GSR: variants seen among roughly 807,000 people sequenced by gnomAD.
GSR encodes glutathione-disulfide reductase.
Under a neutral mutation model 56.5 loss-of-function variants are expected in GSR, and 48 were observed. The observed-to-expected ratio is 0.85, with a 90% CI of 0.67 to 1.08. The LOEUF (loss-of-function observed/expected upper bound fraction) is 1.08. Ranked by LOEUF, GSR falls within the 50% of genes least tolerant of loss-of-function variation. GSR has a pLI of 0.00. For synonymous variants in GSR, 264 were observed against 270.8 expected, an observed-to-expected ratio of 0.97 and a Z score of 0.25; for missense variants, 694 against 703.3, an observed-to-expected ratio of 0.99 and a Z score of 0.15.
chr8:30,702,488 T>C (rs1317964829), intron 5 of GSR, among the ~76,000 whole-genome samples: 1 of 152,180 alleles, frequency 6.6e-6, no homozygotes, highest in East Asian at 1.9e-4. Flanking sequence ...AAGATTTCTC[T>C]CTCTTGAACA....
At chr8:30,686,360 A>G (rs1803160826) in intron 9 of GSR, among the ~76,000 whole-genome samples, 1 of 152,038 alleles carries the variant, frequency 6.6e-6, no homozygotes, top group South Asian at 2.1e-4. Context: ...AATGAGACTG[A>G]ACCTTTTTTT....
intron 7 of GSR, among the ~76,000 whole-genome samples, chr8:30,694,743 G>A (rs1803490884): frequency 6.6e-6 from 1 of 151,964 alleles, no homozygotes; most frequent in Non-Finnish European, 1.5e-5. Context: ...GGGCAACATG[G>A]TGAAACCTCA....
At chr8:30,712,832 T>G (rs2911676) in intron 1 of GSR, among the ~76,000 whole-genome samples, 103,449 of 152,126 alleles carry the variant, frequency 0.68, 37,910 homozygotes, top group East Asian at 0.83. Flanking sequence ...AAATATTAGA[T>G]CTCATAAAAT....
intron 1 of GSR, 95 bp downstream of exon 1, chr8:30,727,435 G>A (rs1286216775): frequency 1.7e-6 from 2 of 1,198,090 alleles, no homozygotes; most frequent in Non-Finnish European, 2.3e-6. Context: ...GCCCAGCGCC[G>A]GGGGACAGGA....
intron 6 of GSR, among the ~76,000 whole-genome samples, chr8:30,699,551 C>T (rs933976363): frequency 1.3e-5 from 2 of 152,064 alleles, no homozygotes; most frequent in Non-Finnish European, 2.9e-5. Context: ...TCAAGTGATT[C>T]TCCTGCCTCA....
At position 30,680,977 on chromosome 8, in the gene GSR, G is replaced by A. The variant is rs1213868590; in HGVS notation, c.1346C>T (p.Pro449Leu). Residue 449 changes from proline (P) to leucine (L), a missense_variant, in exon 12 of 13, where the codon CCG becomes CTG. Coordinates refer to ENST00000221130, the MANE Select transcript of GSR (RefSeq NM_000637.5). ...CCTTTTGGTAACTGCGTGATACATC[G>A]GGGTAAAGCTCGTTGAATAGGTCTT... ...NVKTYSTSFTPMYHAVTKRKT... is the reference protein window; with the variant it reads ...NVKTYSTSFTLMYHAVTKRKT... 45 of 1,609,820 alleles carry A rather than the reference G, an allele frequency of 2.8e-5. No individual in the cohort carries two copies. The highest frequency in any genetic ancestry group is 1.6e-4 in the Middle Eastern group (1 of 6,078).
chr8:30,716,198 C>G (rs1359414365), intron 1 of GSR, among the ~76,000 whole-genome samples: 1 of 152,184 alleles, frequency 6.6e-6, no homozygotes, highest in East Asian at 1.9e-4. Flanking sequence ...AGGCTCTGAG[C>G]CTGTCCAAGA....
rs536887251 is a variant in GSR at position 30,696,827 on chromosome 8, C to A, written c.696-348G>T. 6.6e-5 allele frequency among the ~76,000 whole-genome samples: 10 copies of A among 152,214 alleles called. No homozygotes were observed. In the South Asian group the frequency reaches 2.1e-3, roughly 32 times the overall value. ...CCTCCAGCCTCAGCCTCCTGAGTAG[C>A]TGGGACTACAGACATTCATCGCCAC... is the stretch of plus-strand genomic sequence containing the variant. On this transcript the variant is annotated intron_variant, in intron 6 of 12. Coordinates refer to ENST00000221130, the MANE Select transcript of GSR (RefSeq NM_000637.5).
intron 5 of GSR, among the ~76,000 whole-genome samples, chr8:30,702,010 T>TGG (rs770484459): frequency 2.0e-5 from 3 of 151,950 alleles, no homozygotes; most frequent in Non-Finnish European, 2.9e-5. Context: ...CACTCCAGCC[T>TGG]GGACAACAGA....
intron 2 of GSR, among the ~76,000 whole-genome samples, chr8:30,711,649 C>A (rs566595235): frequency 1.3e-4 from 19 of 151,986 alleles, no homozygotes; most frequent in Admixed American, 4.6e-4. Flanking sequence ...CTGGCCAACA[C>A]GGTGAAACCC....
chr8:30,714,053 C>T (rs1804245889), intron 1 of GSR, among the ~76,000 whole-genome samples: 1 of 152,052 alleles, frequency 6.6e-6, no homozygotes, highest in Non-Finnish European at 1.5e-5. Flanking sequence ...AAGAAAGTTG[C>T]AGAATAGTAG....
intron 1 of GSR, among the ~76,000 whole-genome samples, chr8:30,725,607 T>C (rs1246656976): frequency 6.8e-6 from 1 of 147,634 alleles, no homozygotes; most frequent in Non-Finnish European, 1.5e-5. Context: ...ATTAGCTGGG[T>C]GTGGTGGCTC....
At chr8:30,690,379 C>CT (rs1428558536) in intron 8 of GSR, among the ~76,000 whole-genome samples, 55 of 152,044 alleles carry the variant, frequency 3.6e-4, no homozygotes, top group African/African-American at 1.3e-3. Context: ...AGGCTGGTCT[C>CT]TAACTCATGG....
intron 1 of GSR, among the ~76,000 whole-genome samples, chr8:30,720,895 T>C (rs889834529): frequency 1.3e-5 from 2 of 151,962 alleles, no homozygotes; most frequent in Non-Finnish European, 1.5e-5. Flanking sequence ...GGGTCAAGAC[T>C]GGAGGATCCT....
At chr8:30,705,410 C>A (rs1803887293) in intron 4 of GSR, among the ~76,000 whole-genome samples, 1 of 152,072 alleles carries the variant, frequency 6.6e-6, no homozygotes, top group African/African-American at 2.4e-5. Flanking sequence ...ATACAGGCGC[C>A]CGCCACCACA....
At chr8:30,715,799 C>G (rs1253584696) in intron 1 of GSR, among the ~76,000 whole-genome samples, 2 of 152,214 alleles carry the variant, frequency 1.3e-5, no homozygotes, top group Non-Finnish European at 2.9e-5. Flanking sequence ...CTAAACTACT[C>G]TCACATACCA....
rs572722077 is a variant in GSR, at chr8:30,710,065, C to T, written c.334-163G>A. 1.4e-4 allele frequency among the ~76,000 whole-genome samples: 22 copies of T among 152,258 alleles called. No individual in the cohort carries two copies. The South Asian group carries it at 3.9e-3, about 27-fold the overall frequency. On this transcript the variant is annotated intron_variant, in intron 2 of 12. Transcript: ENST00000221130. Reference sequence around the variant, plus strand: ...GCACGGCAGCTCACGTCTGTAATCCCAGCACTTTGGGAGCCCGAGGCAGGT... The same window carrying T: ...GCACGGCAGCTCACGTCTGTAATCCTAGCACTTTGGGAGCCCGAGGCAGGT...
chr8:30,711,650 G>A lies in GSR; in HGVS notation c.333+412C>T, dbSNP rs8190934. On this transcript the variant is annotated intron_variant, in intron 2 of 12. Transcript: ENST00000221130. ...AGTTCGAGACCAGCCTGGCCAACAC[G>A]GTGAAACCCCCATCTCTACTAAAAA... Among the ~76,000 whole-genome samples, 755 of 152,120 alleles carry A rather than the reference G, an allele frequency of 5.0e-3. 6 individuals are homozygous for A. Among genetic ancestry groups the A allele is most frequent in the African/African-American group, 0.017 (704 of 41,490 alleles).
intron 8 of GSR, among the ~76,000 whole-genome samples, chr8:30,691,219 T>G (rs1356803918): frequency 6.6e-6 from 1 of 151,454 alleles, no homozygotes; most frequent in Non-Finnish European, 1.5e-5. Flanking sequence ...ATACAAAAAT[T>G]AGTTGGGCTT....
Sources: allele counts gnomAD v4.1 joint callset (sites outside exome capture counted in the v4.1 genomes callset), GRCh38; gene constraint gnomAD v4.1.1; transcripts MANE v1.5; gene names NCBI Gene and HGNC (gene_info 2026-07-23, HGNC 2026-07-21).